The following MAP3K3 variants were observed in gnomAD, a reference collection of about 807,000 sequenced individuals.
MAP3K3 encodes MAP/ERK kinase kinase 3.
Under a neutral mutation model 80.9 loss-of-function variants are expected in MAP3K3, and 12 were observed. That is an observed-to-expected ratio of 0.15 (90% confidence interval 0.10 to 0.24). MAP3K3 has a LOEUF of 0.24. Among genes scored for constraint, MAP3K3 ranks in the 10% least tolerant of loss-of-function variants. The probability of loss-of-function intolerance (pLI) is 1.00; values close to 1 mark genes in which losing one functional copy is unlikely to be tolerated. For missense variants in MAP3K3, 596 were observed against 834.7 expected (o/e 0.71, Z 3.52); for synonymous variants, 272 against 307.1 (o/e 0.89, Z 1.19).
intron 2 of MAP3K3, among the ~76,000 whole-genome samples, chr17:63,645,450 T>G (rs1290428548): frequency 6.6e-6 from 1 of 152,178 alleles, no homozygotes; most frequent in Non-Finnish European, 1.5e-5. Context: ...TTTTGGGAAA[T>G]CAATGATAGT....
intron 2 of MAP3K3, among the ~76,000 whole-genome samples, chr17:63,641,136 A>T (rs2034433229): frequency 6.6e-6 from 1 of 152,154 alleles, no homozygotes; most frequent in African/African-American, 2.4e-5. Context: ...TTACCCAATT[A>T]TATGATTTAA....
rs1046619444 is a variant in MAP3K3 at position 63,647,082 on chromosome 17, C to T, written c.167+1008C>T. Among the ~76,000 whole-genome samples, 10 of 152,162 alleles carry T rather than the reference C, an allele frequency of 6.6e-5. No homozygotes were observed. In the East Asian group the frequency reaches 1.7e-3, roughly 26 times the overall value. On this transcript the variant is annotated intron_variant, in intron 3 of 15. Transcript: ENST00000361733. ...TTCTGGTAGTTCTCTACAGTTGGTA[C>T]CTTTCAGCCTACTTTGCAGCTGGCT...
At chr17:63,634,700 T>A in intron 2 of MAP3K3, 1 of 1,608,596 alleles carries the variant, frequency 6.2e-7, no homozygotes. Flanking sequence ...AGTTTTTTTG[T>A]TTTTAAAGAA....
At chr17:63,630,792 C>A (rs1398633216) in intron 1 of MAP3K3, among the ~76,000 whole-genome samples, 1 of 152,212 alleles carries the variant, frequency 6.6e-6, no homozygotes, top group African/African-American at 2.4e-5. Context: ...ATGTCACTCT[C>A]ATACATACTT....
chr17:63,674,016 G>T (rs2035165006), intron 6 of MAP3K3, among the ~76,000 whole-genome samples: 1 of 151,484 alleles, frequency 6.6e-6, no homozygotes, highest in Non-Finnish European at 1.5e-5. Flanking sequence ...GGAGGCGGAG[G>T]TTGCAGTGAG....
Position 63,657,872 on chromosome 17 carries a change from C to G in MAP3K3, c.346C>G (p.Leu116Val), listed in dbSNP as rs374735208. The G allele has an allele frequency of 6.2e-7, 1 of 1,606,844 alleles. No individual in the cohort carries two copies. Among genetic ancestry groups the G allele is most frequent in the Non-Finnish European group, 8.5e-7 (1 of 1,175,192 alleles). Residue 116 changes from leucine (L) to valine (V), a missense_variant, in exon 5 of 16, where the codon CTT becomes GTT. Physicochemically the swap from Leu to Val is conservative, Grantham distance 32. Around this residue, in one of 2 missense-constraint regions of MAP3K3, gnomAD observed 232 missense variants for 245.8 expected, o/e 0.94. Transcript: ENST00000361733. ...ILDRSSSMKS[L>V]RILLLSQDRN... Reference sequence around the variant, plus strand: ...AGATAGAAGCTCAAGCATGAAAAGCCTTAGGATATTGCTGTTGTCCCAGGA... The same window carrying G: ...AGATAGAAGCTCAAGCATGAAAAGCGTTAGGATATTGCTGTTGTCCCAGGA...
intron 5 of MAP3K3, among the ~76,000 whole-genome samples, chr17:63,664,785 G>A (rs1031149561): frequency 6.6e-6 from 1 of 152,068 alleles, no homozygotes; most frequent in Admixed American, 6.6e-5. Flanking sequence ...CTCTGCGACA[G>A]TCCCCTTATA....
rs367914417 is a variant in MAP3K3 at position 63,667,050 on chromosome 17, C to G, written c.492C>G (p.His164Gln). ...AGCCCCCCGAGCCCAGAAGCAGGCACCTCTCTGTCAGTGAGTATTTCAACC... is the reference window on the plus strand; with the variant it reads ...AGCCCCCCGAGCCCAGAAGCAGGCAGCTCTCTGTCAGTGAGTATTTCAACC... ...IYQPPEPRSR[H>Q]LSVSSQNPGR... Residue 164 changes from histidine to glutamine, a missense_variant, in exon 6 of 16, where the codon CAC becomes CAG. This residue lies in a region of MAP3K3 where 232 missense variants were observed against 245.8 expected (regional missense o/e 0.94). Transcript: ENST00000361733. 7 of 1,605,006 alleles carry G rather than the reference C, an allele frequency of 4.4e-6. No homozygotes were observed. The highest frequency in any genetic ancestry group is 5.1e-6 in the Non-Finnish European group (6 of 1,177,760).
intron 7 of MAP3K3, among the ~76,000 whole-genome samples, chr17:63,684,560 G>A (rs1305662283): frequency 6.6e-6 from 1 of 152,072 alleles, no homozygotes; most frequent in African/African-American, 2.4e-5. Flanking sequence ...TATTAAATGG[G>A]AAAAAATATT....
intron 2 of MAP3K3, chr17:63,636,849 C>T: frequency 2.7e-6 from 1 of 366,082 alleles, no homozygotes; most frequent in East Asian, 6.3e-5. Flanking sequence ...CGTTGGTGGT[C>T]AAGTCCTCCA....
chr17:63,667,494 A>G (rs181732810), intron 6 of MAP3K3, among the ~76,000 whole-genome samples: 24 of 152,318 alleles, frequency 1.6e-4, no homozygotes, highest in East Asian at 1.9e-4. Flanking sequence ...ATAGTGACCA[A>G]TGAAACTTTT....
intron 2 of MAP3K3, among the ~76,000 whole-genome samples, chr17:63,635,396 A>C (rs2034302674): frequency 6.6e-6 from 1 of 152,188 alleles, no homozygotes; most frequent in Non-Finnish European, 1.5e-5. Flanking sequence ...TTGAAGCTCA[A>C]AGTTTTATGT....
At chr17:63,688,247 TG>T (rs2035501867) in intron 8 of MAP3K3, 2 of 507,732 alleles carry the variant, frequency 3.9e-6, no homozygotes, top group Non-Finnish European at 7.1e-6. Flanking sequence ...GTTACAGAGG[TG>T]GGAAGAAAGG....
At position 63,691,211 on chromosome 17, in the gene MAP3K3, T is replaced by C. The variant is rs2035583158; in HGVS notation, c.1322T>C (p.Ile441Thr). 1 of 1,614,036 alleles carries C rather than the reference T, an allele frequency of 6.2e-7. No homozygotes were observed. The highest frequency in any genetic ancestry group is 8.5e-7 in the Non-Finnish European group (1 of 1,180,040). The change falls in exon 13 of 16, where the codon ATC (isoleucine) becomes ACC (threonine). Residue 441 changes from isoleucine (I) to threonine (T), a missense_variant. Coordinates refer to ENST00000361733, the MANE Select transcript of MAP3K3 (RefSeq NM_002401.5). The surrounding 1 kb of genome is among the most constrained non-coding windows in gnomAD (Gnocchi z 4.8). ...GACCGCGCTGAGAAGACCCTGACCA[T>C]CTTCATGGAGTACATGCCAGGGGTA... Reference protein sequence around the residue: ...LRDRAEKTLTIFMEYMPGGSV... With the variant: ...LRDRAEKTLTTFMEYMPGGSV...
intron 3 of MAP3K3, among the ~76,000 whole-genome samples, chr17:63,651,326 TA>T (rs1330747981): frequency 2.0e-5 from 3 of 151,902 alleles, no homozygotes; most frequent in Non-Finnish European, 2.9e-5. Flanking sequence ...CTACAAAAAA[TA>T]AAAAATTAGT....
intron 6 of MAP3K3, among the ~76,000 whole-genome samples, chr17:63,675,340 CA>C (rs1033066766): frequency 1.8e-4 from 27 of 152,226 alleles, no homozygotes; most frequent in African/African-American, 6.0e-4. Flanking sequence ...AGTTAGTGGC[CA>C]AAAAAGCTAT....
At chr17:63,635,568 C>CA (rs2034305874) in intron 2 of MAP3K3, among the ~76,000 whole-genome samples, 1 of 152,180 alleles carries the variant, frequency 6.6e-6, no homozygotes, top group Non-Finnish European at 1.5e-5. Flanking sequence ...GACAAAGTCT[C>CA]AGCAAATGCA....
intron 2 of MAP3K3, chr17:63,634,691 G>A (rs778490728): frequency 6.2e-6 from 10 of 1,602,616 alleles, no homozygotes; most frequent in Middle Eastern, 1.7e-4. Flanking sequence ...ATTAACCTCA[G>A]TTTTTTTGTT....
chr17:63,675,860 C>T (rs755773590), intron 6 of MAP3K3, among the ~76,000 whole-genome samples: 14 of 152,202 alleles, frequency 9.2e-5, no homozygotes, highest in Non-Finnish European at 1.3e-4. Context: ...TTGCATAGCT[C>T]TGTGCTTTGG....
Sources: gnomAD v4.1 joint callset for allele counts (sites outside exome capture counted in the v4.1 genomes callset) on GRCh38, gnomAD v4.1.1 for gene constraint, gnomAD v4.1.1 regional missense constraint, Gnocchi (gnomAD v3.1) non-coding constraint, MANE v1.5 for transcripts, NCBI Gene and HGNC (gene_info 2026-07-23, HGNC 2026-07-21) for gene names.